GRIP1: variants seen among roughly 807,000 people sequenced by gnomAD.
GRIP1 encodes glutamate receptor interacting protein 1.
GRIP1 carries 45 observed loss-of-function variants against 129.9 expected under a neutral mutation model. The ratio of observed to expected loss-of-function variants is 0.35; its 90% CI spans 0.27 to 0.44. GRIP1 has a LOEUF of 0.44. Ranked by LOEUF, GRIP1 falls within the 20% of genes least tolerant of loss-of-function variation. GRIP1 has a pLI of 1.00. For missense variants in GRIP1, 1,196 were observed against 1,396.8 expected (o/e 0.86, Z 2.29); for synonymous variants, 530 against 520.8 (o/e 1.02, Z -0.24).
At chr12:66,510,307 C>T (rs764463310) in intron 7 of GRIP1, among the ~76,000 whole-genome samples, 34 of 152,146 alleles carry the variant, frequency 2.2e-4, no homozygotes, top group Middle Eastern at 3.2e-3. Context: ...GGGCCCTCTA[C>T]GCATTCCTGG....
At chr12:66,834,204 G>A (rs993086382) in intron 1 of GRIP1, among the ~76,000 whole-genome samples, 4 of 151,608 alleles carry the variant, frequency 2.6e-5, no homozygotes, top group Non-Finnish European at 4.4e-5. Context: ...AAAAAGGTGG[G>A]GGGATTATGT....
intron 1 of GRIP1, among the ~76,000 whole-genome samples, chr12:66,606,813 T>A (rs1329459623): frequency 6.6e-6 from 1 of 152,150 alleles, no homozygotes; most frequent in Admixed American, 6.6e-5. Flanking sequence ...CTCACAACAA[T>A]GTAATTGCAC....
chr12:66,636,715 CTGTGTGTGTGTGTGTGTGTGTG>C (rs113361426), intron 1 of GRIP1, among the ~76,000 whole-genome samples: 2 of 145,108 alleles, frequency 1.4e-5, no homozygotes, highest in African/African-American at 5.1e-5. Context: ...CATTAGATCT[CTGTGTGTGTGTGTGTGTGTGTG>C]TGTGTGTGTG....
In GRIP1 at chr12:66,979,610, C is replaced by T. The variant is rs558874643; in HGVS notation, c.58+89440G>A. On this transcript the variant is annotated intron_variant, in intron 1 of 1. Coordinates refer to the GRIP1 transcript ENST00000643019. ...CACTATGTTATGGGTTAAGTTGTAA[C>T]CCCCAGAAAGACGCATACCTGTATC... is the stretch of plus-strand genomic sequence containing the variant. Among the ~76,000 whole-genome samples the T allele has an allele frequency of 3.3e-5, 5 of 152,194 alleles. No individual in the cohort carries two copies. In the South Asian group the frequency reaches 6.2e-4, roughly 19 times the overall value.
intron 1 of GRIP1, among the ~76,000 whole-genome samples, chr12:66,799,323 T>G (rs2057782363): frequency 6.6e-6 from 1 of 152,092 alleles, no homozygotes; most frequent in South Asian, 2.1e-4. Context: ...AGCAGTATAG[T>G]CATAAAACAA....
intron 13 of GRIP1, among the ~76,000 whole-genome samples, chr12:66,440,604 A>G (rs923831793): frequency 3.3e-5 from 5 of 152,314 alleles, no homozygotes; most frequent in East Asian, 3.9e-4. Context: ...CTACAAATTC[A>G]TAAGAGGTCT....
intron 1 of GRIP1, among the ~76,000 whole-genome samples, chr12:66,942,217 G>A (rs139455004): frequency 9.9e-4 from 150 of 152,238 alleles, no homozygotes; most frequent in African/African-American, 3.4e-3. Flanking sequence ...TGCCACTAGC[G>A]GATCAGGGAT....
chr12:66,782,446 T>A (rs558778630), intron 1 of GRIP1, among the ~76,000 whole-genome samples: 144 of 152,142 alleles, frequency 9.5e-4, no homozygotes, highest in African/African-American at 3.0e-3. Context: ...AAACAAAAGG[T>A]CTTTCCCTGA....
At chr12:66,666,188 T>G (rs1307731799) in intron 1 of GRIP1, among the ~76,000 whole-genome samples, 1 of 152,142 alleles carries the variant, frequency 6.6e-6, no homozygotes, top group African/African-American at 2.4e-5. Flanking sequence ...ATTTTAAATA[T>G]GAATAACAAT....
intron 9 of GRIP1, among the ~76,000 whole-genome samples, chr12:66,457,496 A>G (rs2059002549): frequency 6.6e-6 from 1 of 152,182 alleles, no homozygotes; most frequent in Non-Finnish European, 1.5e-5. Context: ...GCTGGTCTCA[A>G]GTGATCCTTC....
intron 1 of GRIP1, among the ~76,000 whole-genome samples, chr12:66,830,990 G>C (rs1034127068): frequency 1.3e-5 from 2 of 151,666 alleles, no homozygotes; most frequent in Non-Finnish European, 2.9e-5. Flanking sequence ...GGGACTACAA[G>C]CATGTGCCAC....
intron 2 of GRIP1, among the ~76,000 whole-genome samples, chr12:66,584,626 G>A (rs1433575804): frequency 6.6e-6 from 1 of 152,018 alleles, no homozygotes; most frequent in Non-Finnish European, 1.5e-5. Flanking sequence ...AGAACCCAGT[G>A]GAATGGAATA....
chr12:66,722,682 C>A (rs1373270353), intron 1 of GRIP1, among the ~76,000 whole-genome samples: 1 of 152,028 alleles, frequency 6.6e-6, no homozygotes, highest in Non-Finnish European at 1.5e-5. Context: ...ATGAGGGATG[C>A]CTGTATGTAG....
At chr12:66,692,932 A>C (rs1291374024) in intron 1 of GRIP1, among the ~76,000 whole-genome samples, 1 of 152,204 alleles carries the variant, frequency 6.6e-6, no homozygotes, top group Non-Finnish European at 1.5e-5. Flanking sequence ...GTCCTGACCT[A>C]GAACAGTACC....
intron 2 of GRIP1, among the ~76,000 whole-genome samples, chr12:66,594,594 T>C (rs1279206562): frequency 1.3e-5 from 2 of 152,206 alleles, no homozygotes; most frequent in Non-Finnish European, 2.9e-5. Context: ...AAGATTGGAC[T>C]CTCCTGAATT....
intron 1 of GRIP1, among the ~76,000 whole-genome samples, chr12:66,932,144 CCACCAATATAAAGGCTCCT>C (rs2041406514): frequency 9.8e-6 from 1 of 102,456 alleles, no homozygotes; most frequent in Non-Finnish European, 2.5e-5. Context: ...AGGCTCCTGG[CCACCAATATAAAGGCTCCT>C]GGCCACAAAT....
At chr12:66,489,805 A>G (rs1415247615) in intron 7 of GRIP1, among the ~76,000 whole-genome samples, 3 of 152,182 alleles carry the variant, frequency 2.0e-5, no homozygotes, top group Admixed American at 2.0e-4. Flanking sequence ...AATTACTAAC[A>G]TTCCTAACAC....
At chr12:66,536,757 C>T (rs1271567475) in intron 4 of GRIP1, among the ~76,000 whole-genome samples, 1 of 152,142 alleles carries the variant, frequency 6.6e-6, no homozygotes, top group Non-Finnish European at 1.5e-5. Context: ...CTGTCTTCTG[C>T]TACAATATAA....
chr12:66,414,696 T>C (rs1346516877), intron 15 of GRIP1, among the ~76,000 whole-genome samples: 1 of 151,920 alleles, frequency 6.6e-6, no homozygotes, highest in Non-Finnish European at 1.5e-5. Flanking sequence ...CTTCAAACTA[T>C]ACTACAAGGC....
Sources: allele counts gnomAD v4.1 joint callset (sites outside exome capture counted in the v4.1 genomes callset), GRCh38; gene constraint gnomAD v4.1.1; transcripts MANE v1.5; gene names NCBI Gene and HGNC (gene_info 2026-07-23, HGNC 2026-07-21).